The following EMILIN2 variants were observed in gnomAD, a reference collection of about 807,000 sequenced individuals.
EMILIN2 encodes the protein EMILIN-2.
EMILIN2 carries 71 observed loss-of-function variants against 87.1 expected under a neutral mutation model. The ratio of observed to expected loss-of-function variants is 0.82; its 90% CI spans 0.67 to 0.99. The LOEUF (loss-of-function observed/expected upper bound fraction) is 0.99, where lower values mean the gene tolerates loss of function less well. Among genes scored for constraint, EMILIN2 ranks in the 50% least tolerant of loss-of-function variants. The pLI is 0.00. For synonymous variants in EMILIN2, 581 were observed against 563.4 expected, an observed-to-expected ratio of 1.03 and a Z score of -0.44; for missense variants, 1,407 against 1,371.8, an observed-to-expected ratio of 1.03 and a Z score of -0.40.
At chr18:2,857,695 A>T (rs752463566) in intron 2 of EMILIN2, among the ~76,000 whole-genome samples, 72 of 152,310 alleles carry the variant, frequency 4.7e-4, no homozygotes, top group Middle Eastern at 3.4e-3. Flanking sequence ...GGACTGGGGC[A>T]GGGAGGCATG....
chr18:2,910,048 A>C (rs2076933406), intron 7 of EMILIN2, among the ~76,000 whole-genome samples: 1 of 151,934 alleles, frequency 6.6e-6, no homozygotes, highest in African/African-American at 2.4e-5. Context: ...AACATTTTCT[A>C]GTCGTGAGGT....
At chr18:2,905,098 G>A (rs1222677094) in intron 4 of EMILIN2, among the ~76,000 whole-genome samples, 1 of 152,062 alleles carries the variant, frequency 6.6e-6, no homozygotes, top group Non-Finnish European at 1.5e-5. Context: ...TGTAAATCCT[G>A]ATGCCATTCT....
chr18:2,854,218 G>A (rs1032646700), intron 2 of EMILIN2, among the ~76,000 whole-genome samples: 2 of 151,968 alleles, frequency 1.3e-5, no homozygotes, highest in Non-Finnish European at 2.9e-5. Flanking sequence ...TCAGCCCCTC[G>A]AGGCCTGTGT....
intron 4 of EMILIN2, among the ~76,000 whole-genome samples, chr18:2,896,770 A>T (rs1327777796): frequency 6.6e-6 from 1 of 152,072 alleles, no homozygotes; most frequent in Non-Finnish European, 1.5e-5. Context: ...CTGTAATTAC[A>T]TGTGCTGGGA....
intron 2 of EMILIN2, among the ~76,000 whole-genome samples, chr18:2,851,523 T>C (rs2076601734): frequency 6.6e-6 from 1 of 152,068 alleles, no homozygotes; most frequent in African/African-American, 2.4e-5. Flanking sequence ...GTGAAACCGC[T>C]GGGAAATGGG....
Position 2,847,864 on chromosome 18 carries a change from A to G in EMILIN2, c.190A>G (p.Ser64Gly). ...KNVSCSVLEG[S>G]ESFIQAQYNC... is the part of the protein sequence containing the mutation. ...TGTGAGCTGCTCCGTGCTGGAGGGAAGTGAGAGTTTTATTCAGGCTCAGTA... is the reference window on the plus strand; with the variant it reads ...TGTGAGCTGCTCCGTGCTGGAGGGAGGTGAGAGTTTTATTCAGGCTCAGTA... The change falls in exon 2 of 8, where the codon AGT becomes GGT. Residue 64 changes from serine (S) to glycine (G), a missense_variant. By Grantham distance (56) the Ser-to-Gly change is moderately conservative. Transcript: ENST00000254528. This position sits in a 1 kb window ranked among gnomAD's most constrained non-coding sequence, Gnocchi z 4.5. 9 of 1,612,888 alleles carry G rather than the reference A, an allele frequency of 5.6e-6. No individual in the cohort carries two copies. Among genetic ancestry groups the G allele is most frequent in the Non-Finnish European group, 7.6e-6 (9 of 1,179,324 alleles).
At chr18:2,886,350 G>A (rs1598496929) in intron 3 of EMILIN2, among the ~76,000 whole-genome samples, 1 of 152,166 alleles carries the variant, frequency 6.6e-6, no homozygotes, top group Non-Finnish European at 1.5e-5. Flanking sequence ...TTTCATTTTA[G>A]TTTTTGTTTG....
At position 2,881,931 on chromosome 18, in the gene EMILIN2, T is replaced by TTGGCCG. The variant is rs200227606; in HGVS notation, c.258-3032_258-3027dup. On this transcript the variant is annotated intron_variant, in intron 2 of 7. Transcript: ENST00000254528. ...CACGGGTGGGATGCTCAGGAATGGG[T>TTGGCCG]TGGCCGAAGTGGGGGTTGCCTACCT... 7.5e-3 allele frequency among the ~76,000 whole-genome samples: 1,138 copies of TTGGCCG among 152,228 alleles called. 20 individuals carry two copies. Among genetic ancestry groups the TTGGCCG allele is most frequent in the African/African-American group, 0.026 (1,080 of 41,538 alleles).
chr18:2,849,831 T>C (rs992340717), intron 2 of EMILIN2, among the ~76,000 whole-genome samples: 5 of 152,254 alleles, frequency 3.3e-5, no homozygotes, highest in Non-Finnish European at 5.9e-5. Flanking sequence ...AAATTCAGTC[T>C]TGACTTTTTT....
rs766170092 is a variant in EMILIN2 at position 2,848,064 on chromosome 18, A to T, written c.257+133A>T. The T allele has an allele frequency of 2.4e-6, 3 of 1,226,940 alleles. No individual in the cohort carries two copies. The highest frequency in any genetic ancestry group is 3.3e-6 in the Non-Finnish European group (3 of 915,800). 76.0% of individuals were successfully genotyped at this position (1,226,940 alleles called of 1,614,324 possible). A position where few individuals can be genotyped will look rare whatever the true frequency, so the allele number is the denominator to read the frequency against. On this transcript the variant is annotated intron_variant, in intron 2 of 7. Transcript: ENST00000254528. This position sits in a 1 kb window ranked among gnomAD's most constrained non-coding sequence, Gnocchi z 4.1. ...ATCCGGTGAAAAGCCCGCAGCGGAAAAGCGCTCCGAGCGCTCGCGGGGCAC... is the reference window on the plus strand; with the variant it reads ...ATCCGGTGAAAAGCCCGCAGCGGAATAGCGCTCCGAGCGCTCGCGGGGCAC...
chr18:2,885,278 T>G, intron 3 of EMILIN2, 139 bp downstream of exon 3: 1 of 918,858 alleles, frequency 1.1e-6, no homozygotes, highest in Non-Finnish European at 1.5e-6. Context: ...AGTAGCCACA[T>G]GTGACAAATT....
At chr18:2,886,514 C>G (rs761434936) in intron 3 of EMILIN2, among the ~76,000 whole-genome samples, 2 of 152,128 alleles carry the variant, frequency 1.3e-5, no homozygotes, top group Non-Finnish European at 2.9e-5. Flanking sequence ...AATTTACCTC[C>G]ATATCTATTG....
chr18:2,862,982 C>T (rs1462795797), intron 2 of EMILIN2, among the ~76,000 whole-genome samples: 2 of 152,206 alleles, frequency 1.3e-5, no homozygotes, highest in Non-Finnish European at 2.9e-5. Context: ...TTATCCATTT[C>T]TTCTAGATTT....
chr18:2,910,908 C>T (rs1206776365), intron 7 of EMILIN2, among the ~76,000 whole-genome samples: 1 of 152,150 alleles, frequency 6.6e-6, no homozygotes, highest in African/African-American at 2.4e-5. Context: ...AAGGTCAGGG[C>T]GAGAGGGAAC....
chr18:2,904,975 G>C (rs979727299), intron 4 of EMILIN2, among the ~76,000 whole-genome samples: 3 of 152,170 alleles, frequency 2.0e-5, no homozygotes, highest in African/African-American at 7.2e-5. Flanking sequence ...AGTGTTTTTA[G>C]ACTGGTATCT....
intron 4 of EMILIN2, among the ~76,000 whole-genome samples, chr18:2,902,035 C>T (rs2076890200): frequency 6.6e-6 from 1 of 152,186 alleles, no homozygotes; most frequent in Non-Finnish European, 1.5e-5. Context: ...TTTTCCTCTG[C>T]CTTCCACTAG....
In EMILIN2 at chr18:2,847,760, T is replaced by A. The variant is rs769170051; in HGVS notation, c.135-49T>A. Reference sequence around the variant, plus strand: ...AGTCCCCTCTCCCCTGGCCTCATTGTTCTCCGGGTTTACCCCGTGCCCCTC... The same window carrying A: ...AGTCCCCTCTCCCCTGGCCTCATTGATCTCCGGGTTTACCCCGTGCCCCTC... On this transcript the variant is annotated intron_variant, in intron 1 of 7. Coordinates refer to ENST00000254528, the MANE Select transcript of EMILIN2 (RefSeq NM_032048.3). The surrounding 1 kb of genome is among the most constrained non-coding windows in gnomAD (Gnocchi z 4.5). 1.2e-5 allele frequency: 20 copies of A among 1,600,626 alleles called. No homozygotes were observed. In the Admixed American group the frequency reaches 1.5e-4, roughly 12 times the overall value.
intron 7 of EMILIN2, among the ~76,000 whole-genome samples, chr18:2,910,214 G>A (rs370287446): frequency 1.9e-3 from 287 of 152,136 alleles, no homozygotes; most frequent in African/African-American, 6.7e-3. Context: ...CTGACAACCT[G>A]GGCCAGGACA....
chr18:2,859,618 G>A (rs997806997), intron 2 of EMILIN2, among the ~76,000 whole-genome samples: 1 of 152,072 alleles, frequency 6.6e-6, no homozygotes, highest in African/African-American at 2.4e-5. Context: ...ATGTGCTTTT[G>A]CATTCTTGGT....
Sources: gnomAD v4.1 joint callset for allele counts (sites outside exome capture counted in the v4.1 genomes callset) on GRCh38, gnomAD v4.1.1 for gene constraint, Gnocchi (gnomAD v3.1) non-coding constraint, MANE v1.5 for transcripts, NCBI Gene and HGNC (gene_info 2026-07-23, HGNC 2026-07-21) for gene names.